FER1L5: variants seen among roughly 807,000 people sequenced by gnomAD.
FER1L5 encodes fer-1 like family member 5, also known as fer-1-like protein 5.
In FER1L5, 187 loss-of-function variants were observed where a neutral mutation model predicts 279.9. The observed-to-expected ratio is 0.67, with a 90% CI of 0.59 to 0.75. The LOEUF is 0.75. FER1L5 is among the 30% of genes least tolerant of loss of function. FER1L5 has a pLI of 0.00. For synonymous variants in FER1L5, 921 were observed against 989.7 expected (o/e 0.93, Z 1.30); for missense variants, 2,091 against 2,594.4 (o/e 0.81, Z 4.21).
intron 3 of FER1L5, 101 bp from the exon 4 acceptor site, chr2:96,647,677 G>A (rs1384213605): frequency 3.6e-6 from 3 of 829,410 alleles, no homozygotes; most frequent in South Asian, 1.6e-5. Context: ...GGACAGCACA[G>A]CCCTGGGAGG....
Position 96,651,916 on chromosome 2 carries a change from C to T in FER1L5, c.529C>T (p.Arg177Ter), listed in dbSNP as rs774920829. 10 of 1,551,862 alleles carry T rather than the reference C, an allele frequency of 6.4e-6. No individual in the cohort carries two copies. The East Asian group carries it at 1.2e-4, about 19-fold the overall frequency. The change falls in exon 7 of 53, where the codon CGA (arginine) becomes TGA (stop). Residue 177 changes from arginine (R) to a stop codon, truncating the protein, a stop_gained. Transcript: ENST00000624922. LOFTEE classifies it high-confidence loss of function. ...FQVRVKVFEARQLMGNNIKPV... is the reference protein window; with the variant it reads ...FQVRVKVFEA ...GGTTCGAGTGAAGGTGTTTGAAGCC[C>T]GACAGCTCATGGGCAACAACATCAA...
At chr2:96,695,298 G>A (rs943883094) in intron 34 of FER1L5, 17 of 615,524 alleles carry the variant, frequency 2.8e-5, no homozygotes, top group South Asian at 7.6e-5. Flanking sequence ...GGGGGACAGC[G>A]TCCCAGCCCC....
chr2:96,659,462 T>TTTCTTTCTTTCTTTC (rs1558855124), intron 9 of FER1L5, among the ~76,000 whole-genome samples: 22 of 27,666 alleles, frequency 8.0e-4, no homozygotes, highest in Non-Finnish European at 1.1e-3. Flanking sequence ...TCTTTCTTTC[T>TTTCTTTCTTTCTTTC]TTCTTTCTTT....
chr2:96,689,095 T>C lies in FER1L5; in HGVS notation c.2362-118T>C, dbSNP rs2106634804. 2 of 1,267,966 alleles carry C rather than the reference T, an allele frequency of 1.6e-6. No homozygotes were observed. The highest frequency in any genetic ancestry group is 2.1e-6 in the Non-Finnish European group (2 of 934,126). The allele number at this position is 1,267,966 out of a possible 1,614,324, so 78.5% of individuals were successfully genotyped here. A position where few individuals can be genotyped will look rare whatever the true frequency, so the allele number is the denominator to read the frequency against. ...AATGGGGACATGGCCCTTTCTTGCC[T>C]GGCTACCACATTTTTAGGATGCCCC... On this transcript the variant is annotated intron_variant, in intron 24 of 52. Transcript: ENST00000624922. This position sits in a 1 kb window ranked among gnomAD's most constrained non-coding sequence, Gnocchi z 4.6.
intron 44 of FER1L5, 109 bp from the exon 45 acceptor site, chr2:96,700,223 T>C: frequency 6.4e-7 from 1 of 1,564,876 alleles, no homozygotes; most frequent in East Asian, 2.3e-5. Flanking sequence ...AGCCCATCCC[T>C]TTCCCCTTCA....
chr2:96,672,625 G>A lies in FER1L5; in HGVS notation c.1492-452G>A, dbSNP rs886069681. On this transcript the variant is annotated intron_variant, in intron 18 of 52. Coordinates refer to ENST00000624922, the MANE Select transcript of FER1L5 (RefSeq NM_001293083.2). ...GGGGGCATAGTGGGCAGCTGGAGCAGGAAGTGGGAAGGTTCAACCTTTCTG... is the reference window on the plus strand; with the variant it reads ...GGGGGCATAGTGGGCAGCTGGAGCAAGAAGTGGGAAGGTTCAACCTTTCTG... 2.5e-4 allele frequency among the ~76,000 whole-genome samples: 38 copies of A among 151,916 alleles called. 2 individuals carry two copies. Among genetic ancestry groups the A allele is most frequent in the Non-Finnish European group, 2.9e-5 (2 of 67,978 alleles).
chr2:96,697,984 C>G, intron 39 of FER1L5, 53 bp from the exon 40 acceptor site: 1 of 1,531,114 alleles, frequency 6.5e-7, no homozygotes, highest in South Asian at 1.2e-5. Context: ...GTCCCTCCAT[C>G]TCCTAATCAC....
intron 17 of FER1L5, 52 bp from the exon 18 acceptor site, chr2:96,670,067 C>T: frequency 1.3e-6 from 2 of 1,548,746 alleles, no homozygotes; most frequent in South Asian, 1.2e-5. Flanking sequence ...AGGAGATTGG[C>T]CTGTTCTTTT....
At chr2:96,673,364 C>A in intron 19 of FER1L5, 110 bp downstream of exon 19, 1 of 1,171,618 alleles carries the variant, frequency 8.5e-7, no homozygotes, top group Non-Finnish European at 1.2e-6. Context: ...CATTATTTAC[C>A]TATATTTCAC....
intron 9 of FER1L5, among the ~76,000 whole-genome samples, chr2:96,657,686 T>C (rs2075653820): frequency 6.6e-6 from 1 of 152,324 alleles, no homozygotes; most frequent in Middle Eastern, 3.4e-3. Context: ...CTAGAGTTCA[T>C]ATCAATAGAA....
At chr2:96,688,421 G>A (rs1462146839) in intron 24 of FER1L5, among the ~76,000 whole-genome samples, 1 of 152,178 alleles carries the variant, frequency 6.6e-6, no homozygotes, top group East Asian at 1.9e-4. Flanking sequence ...TGGTAGAGGA[G>A]TAGGATCTGA....
rs979573732 is a variant in FER1L5 at position 96,704,779 on chromosome 2, T to C, written c.*87T>C. 2.8e-5 allele frequency: 28 copies of C among 985,704 alleles called. No individual in the cohort carries two copies. The African/African-American group carries it at 3.2e-4, about 11-fold the overall frequency. 61.1% of individuals were successfully genotyped at this position (985,704 alleles called of 1,614,324 possible). ...AGTTCTTTGTTTCTATCTTCTAGAA[T>C]ATATGCAAGATGCTAGGAATATTCT... On this transcript the variant is annotated 3_prime_UTR_variant, in exon 53 of 53. Transcript: ENST00000624922.
At chr2:96,662,343 T>C in intron 13 of FER1L5, 76 bp downstream of exon 13, 2 of 1,341,494 alleles carry the variant, frequency 1.5e-6, no homozygotes, top group East Asian at 2.5e-5. Context: ...GGTGGCCTGG[T>C]GGGCAAGACC....
At chr2:96,675,294 T>C (rs1457623201) in intron 19 of FER1L5, among the ~76,000 whole-genome samples, 2 of 152,192 alleles carry the variant, frequency 1.3e-5, no homozygotes, top group Non-Finnish European at 2.9e-5. Flanking sequence ...ATTATATACC[T>C]ATGGGTGGAA....
chr2:96,689,810 C>T lies in FER1L5; in HGVS notation c.2640+52C>T, dbSNP rs1473303693. The T allele has an allele frequency of 4.1e-5, 59 of 1,440,558 alleles. No individual in the cohort carries two copies. The highest frequency in any genetic ancestry group is 5.2e-5 in the Non-Finnish European group (56 of 1,073,034). The allele number at this position is 1,440,558 out of a possible 1,614,324, so 89.2% of individuals were successfully genotyped here. A position where few individuals can be genotyped will look rare whatever the true frequency, so the allele number is the denominator to read the frequency against. On this transcript the variant is annotated intron_variant, in intron 26 of 52. Transcript: ENST00000624922. This position sits in a 1 kb window ranked among gnomAD's most constrained non-coding sequence, Gnocchi z 4.6. Reference sequence around the variant, plus strand: ...TTAGGGGGCAAGCAAGGCCACCAGGCGGGGCGCCTTGGAAGCTGGGGGTCC... The same window carrying T: ...TTAGGGGGCAAGCAAGGCCACCAGGTGGGGCGCCTTGGAAGCTGGGGGTCC...
intron 51 of FER1L5, among the ~76,000 whole-genome samples, 177 bp downstream of exon 51, chr2:96,703,809 CTTTTT>C (rs35497973): frequency 2.2e-5 from 2 of 89,476 alleles, no homozygotes; most frequent in African/African-American, 4.2e-5. Context: ...CAAAAGTTGC[CTTTTT>C]TTTTTTTTTT....
At chr2:96,667,996 G>A (rs976576847) in intron 14 of FER1L5, among the ~76,000 whole-genome samples, 5 of 152,106 alleles carry the variant, frequency 3.3e-5, no homozygotes, top group South Asian at 2.1e-4. Context: ...GAGTAGCTGG[G>A]ACTATAGGTG....
At chr2:96,682,977 C>T (rs567468059) in intron 19 of FER1L5, among the ~76,000 whole-genome samples, 12 of 152,216 alleles carry the variant, frequency 7.9e-5, no homozygotes, top group Admixed American at 2.6e-4. Flanking sequence ...ACATAAGCAC[C>T]GAATGCCAAC....
chr2:96,654,878 G>C (rs562825734), intron 9 of FER1L5: 1 of 139,590 alleles, frequency 7.2e-6, no homozygotes, highest in Non-Finnish European at 1.5e-5. Context: ...CAGCCTGGGC[G>C]ACAGGGTGAG....
Sources: gnomAD v4.1 joint callset for allele counts (sites outside exome capture counted in the v4.1 genomes callset) on GRCh38, gnomAD v4.1.1 for gene constraint, Gnocchi (gnomAD v3.1) non-coding constraint, MANE v1.5 for transcripts, NCBI Gene and HGNC (gene_info 2026-07-23, HGNC 2026-07-21) for gene names.